Variants in CTNNA3 observed in about 807,000 individuals in gnomAD.
CTNNA3 encodes catenin alpha-3.
CTNNA3 carries 76 observed loss-of-function variants against 95.7 expected under a neutral mutation model. That is an observed-to-expected ratio of 0.79 (90% CI 0.66 to 0.96). CTNNA3 has a LOEUF of 0.96. CTNNA3 is among the 40% of genes least tolerant of loss of function. The pLI, the probability that CTNNA3 is intolerant of heterozygous loss-of-function variation, is 0.00. For missense variants in CTNNA3, 1,191 were observed against 1,089.8 expected (o/e 1.09, Z -1.31); for synonymous variants, 431 against 374.4 (o/e 1.15, Z -1.74).
intron 9 of CTNNA3, among the ~76,000 whole-genome samples, chr10:66,697,598 A>G (rs923786700): frequency 4.6e-5 from 7 of 152,174 alleles, no homozygotes; most frequent in African/African-American, 7.2e-5. Flanking sequence ...TACAGAGTTG[A>G]CAGTTTGGAA....
chr10:66,101,328 A>G (rs1019001630), intron 14 of CTNNA3, among the ~76,000 whole-genome samples: 1 of 152,194 alleles, frequency 6.6e-6, no homozygotes, highest in Admixed American at 6.6e-5. Context: ...AGCATTTCCC[A>G]ATATATTACC....
At chr10:66,626,617 A>G (rs1317628719) in intron 9 of CTNNA3, among the ~76,000 whole-genome samples, 2 of 152,158 alleles carry the variant, frequency 1.3e-5, no homozygotes, top group Non-Finnish European at 2.9e-5. Context: ...ATTTCTCTCA[A>G]CAAATTTCTC....
At chr10:67,217,805 T>C (rs1034300196) in intron 6 of CTNNA3, among the ~76,000 whole-genome samples, 11 of 149,014 alleles carry the variant, frequency 7.4e-5, no homozygotes. Context: ...GTGAAAAATG[T>C]GCTATACAGG....
intron 5 of CTNNA3, among the ~76,000 whole-genome samples, chr10:67,342,522 T>C (rs922143108): frequency 2.6e-5 from 4 of 152,206 alleles, no homozygotes; most frequent in Non-Finnish European, 4.4e-5. Context: ...CCCACTCCAA[T>C]GTCCTGGAGA....
At chr10:66,672,191 A>G (rs1846686486) in intron 9 of CTNNA3, among the ~76,000 whole-genome samples, 1 of 152,214 alleles carries the variant, frequency 6.6e-6, no homozygotes, top group African/African-American at 2.4e-5. Flanking sequence ...CGCTACAAAG[A>G]TGCTATCGAT....
chr10:67,384,568 T>C (rs1056568053), intron 5 of CTNNA3, among the ~76,000 whole-genome samples: 8 of 152,194 alleles, frequency 5.3e-5, no homozygotes, highest in Admixed American at 2.0e-4. Flanking sequence ...AACAGATTCT[T>C]GTTTGTTTGA....
chr10:67,689,668 T>A (rs1418753768), intron 1 of CTNNA3, among the ~76,000 whole-genome samples: 3 of 152,080 alleles, frequency 2.0e-5, no homozygotes, highest in Non-Finnish European at 4.4e-5. Flanking sequence ...CGGAGCTGAA[T>A]GGCTTTCCTC....
rs549998135 is a variant in CTNNA3 at position 66,364,270 on chromosome 10, C to T, written c.1732+14882G>A. Among the ~76,000 whole-genome samples, 19 of 150,966 alleles carry T rather than the reference C, an allele frequency of 1.3e-4. 1 individual carries two copies. Among genetic ancestry groups the T allele is most frequent in the Admixed American group, 8.0e-4 (12 of 14,996 alleles). Reference sequence around the variant, plus strand: ...AAAATATGGACAAAATGTCCAGGTGCACTGACTCATGACTGAAATCCCAGA... The same window carrying T: ...AAAATATGGACAAAATGTCCAGGTGTACTGACTCATGACTGAAATCCCAGA... On this transcript the variant is annotated intron_variant, in intron 12 of 17. Transcript: ENST00000433211.
At chr10:67,649,729 T>G (rs1192441534) in intron 1 of CTNNA3, among the ~76,000 whole-genome samples, 2 of 152,216 alleles carry the variant, frequency 1.3e-5, no homozygotes, top group African/African-American at 4.8e-5. Context: ...CAAATGAAAT[T>G]GAAGCAAAGT....
chr10:66,046,048 A>G (rs1252678274), intron 15 of CTNNA3, among the ~76,000 whole-genome samples: 1 of 152,166 alleles, frequency 6.6e-6, no homozygotes, highest in African/African-American at 2.4e-5. Context: ...AATGCCCTCA[A>G]CTGAAACATC....
At position 67,227,758 on chromosome 10, in the gene CTNNA3, C is replaced by A. The variant is rs117474378; in HGVS notation, c.580-7888G>T. Among the ~76,000 whole-genome samples, 672 of 152,214 alleles carry A rather than the reference C, an allele frequency of 4.4e-3. 11 individuals carry two copies. The East Asian group carries it at 0.059, about 13-fold the overall frequency. On this transcript the variant is annotated intron_variant, in intron 5 of 17. Coordinates refer to ENST00000433211, the MANE Select transcript of CTNNA3 (RefSeq NM_013266.4). ...ACAAAATACACATTTTATTCAACAGCACATGGAACTTTCTCCAAGACAGAC... is the reference window on the plus strand; with the variant it reads ...ACAAAATACACATTTTATTCAACAGAACATGGAACTTTCTCCAAGACAGAC...
chr10:67,563,336 C>T (rs529845874), intron 3 of CTNNA3, among the ~76,000 whole-genome samples: 16 of 152,266 alleles, frequency 1.1e-4, no homozygotes, highest in African/African-American at 3.8e-4. Context: ...AATAATACCA[C>T]ACACATCTAC....
chr10:67,297,159 A>T (rs1306396284), intron 5 of CTNNA3, among the ~76,000 whole-genome samples: 2 of 152,094 alleles, frequency 1.3e-5, no homozygotes, highest in African/African-American at 2.4e-5. Context: ...TCACAGAATG[A>T]GTCATTTGAC....
chr10:67,306,657 C>T (rs1174909610), intron 5 of CTNNA3, among the ~76,000 whole-genome samples: 1 of 152,108 alleles, frequency 6.6e-6, no homozygotes, highest in African/African-American at 2.4e-5. Context: ...GATATTTTAC[C>T]AGCTAATAGC....
intron 5 of CTNNA3, among the ~76,000 whole-genome samples, chr10:67,459,683 T>C (rs1024529164): frequency 6.6e-6 from 1 of 152,188 alleles, no homozygotes; most frequent in African/African-American, 2.4e-5. Flanking sequence ...AAAAGCAAAA[T>C]GTCTTCATCA....
intron 9 of CTNNA3, among the ~76,000 whole-genome samples, chr10:66,623,677 C>A (rs1174002937): frequency 6.6e-6 from 1 of 151,518 alleles, no homozygotes; most frequent in Non-Finnish European, 1.5e-5. Context: ...ACTTGAACTT[C>A]TCCTTACCAG....
intron 9 of CTNNA3, among the ~76,000 whole-genome samples, chr10:66,696,632 A>C (rs558765508): frequency 6.6e-6 from 1 of 152,262 alleles, no homozygotes; most frequent in South Asian, 2.1e-4. Flanking sequence ...AAGCCTCTTA[A>C]TCATCTAAAA....
intron 1 of CTNNA3, among the ~76,000 whole-genome samples, chr10:67,744,090 T>G (rs931968020): frequency 6.6e-6 from 1 of 151,274 alleles, no homozygotes; most frequent in Non-Finnish European, 1.5e-5. Context: ...AGGTAATTTA[T>G]AGATTCAATG....
intron 3 of CTNNA3, among the ~76,000 whole-genome samples, chr10:67,541,942 TAAATA>T (rs1057012024): frequency 8.5e-5 from 13 of 152,122 alleles, no homozygotes; most frequent in African/African-American, 3.1e-4. Context: ...ATACTAAAAC[TAAATA>T]TATATCAAAA....
Sources: allele counts gnomAD v4.1 joint callset (sites outside exome capture counted in the v4.1 genomes callset), GRCh38; gene constraint gnomAD v4.1.1; transcripts MANE v1.5; gene names NCBI Gene and HGNC (gene_info 2026-07-23, HGNC 2026-07-21).